Variants in CADPS observed in about 807,000 individuals in gnomAD.
CADPS encodes calcium dependent secretion activator.
Under a neutral mutation model 167.3 loss-of-function variants are expected in CADPS, and 57 were observed. That is an observed-to-expected ratio of 0.34 (90% CI 0.28 to 0.42). The LOEUF is 0.42. Among genes scored for constraint, CADPS ranks in the 20% least tolerant of loss-of-function variants. The probability of loss-of-function intolerance (pLI) is 1.00; values close to 1 mark genes in which losing one functional copy is unlikely to be tolerated. For missense variants in CADPS, 1,414 were observed against 1,738.1 expected, an observed-to-expected ratio of 0.81 and a Z score of 3.32; for synonymous variants, 676 against 635.3, an observed-to-expected ratio of 1.06 and a Z score of -0.96.
At chr3:62,779,662 T>TG in intron 1 of CADPS, 1 of 523,222 alleles carries the variant, frequency 1.9e-6, no homozygotes, top group Admixed American at 2.0e-5. Flanking sequence ...CTTACCTGAG[T>TG]GCAAGGTCCA....
chr3:62,757,333 G>C (rs1002078904), intron 2 of CADPS, among the ~76,000 whole-genome samples: 2 of 152,098 alleles, frequency 1.3e-5, no homozygotes, highest in African/African-American at 2.4e-5. Context: ...TTTTGTGACT[G>C]TTTGGTAAAT....
At chr3:62,744,814 C>G (rs913753967) in intron 3 of CADPS, among the ~76,000 whole-genome samples, 1 of 152,156 alleles carries the variant, frequency 6.6e-6, no homozygotes, top group Non-Finnish European at 1.5e-5. Context: ...ATAGAAAATG[C>G]CCAATTCCCT....
intron 5 of CADPS, among the ~76,000 whole-genome samples, chr3:62,649,827 T>C (rs571282079): frequency 1.4e-4 from 22 of 152,164 alleles, no homozygotes; most frequent in African/African-American, 4.8e-4. Context: ...CCTGGGATTA[T>C]AGACATGAGC....
chr3:62,548,222 T>TA (rs373175950), intron 11 of CADPS, among the ~76,000 whole-genome samples: 11 of 151,866 alleles, frequency 7.2e-5, no homozygotes, highest in African/African-American at 1.9e-4. Flanking sequence ...TGTCATACTT[T>TA]AAAAAAAACA....
intron 3 of CADPS, among the ~76,000 whole-genome samples, chr3:62,693,147 C>T (rs531370477): frequency 3.9e-5 from 6 of 152,166 alleles, no homozygotes; most frequent in African/African-American, 1.4e-4. Context: ...TCCCTTCAGG[C>T]CTCTGCTTCA....
chr3:62,400,948 T>C (rs1259291240), intron 29 of CADPS, among the ~76,000 whole-genome samples: 1 of 152,162 alleles, frequency 6.6e-6, no homozygotes, highest in East Asian at 1.9e-4. Flanking sequence ...ATAGCAACAA[T>C]CACAATGTCA....
At chr3:62,620,401 A>G (rs1314573295) in intron 6 of CADPS, among the ~76,000 whole-genome samples, 1 of 152,184 alleles carries the variant, frequency 6.6e-6, no homozygotes, top group African/African-American at 2.4e-5. Context: ...AGAGTCTCTA[A>G]GTAACTTGAG....
rs779352539 is a variant in CADPS at position 62,420,834 on chromosome 3, T to A, written c.3777+17270A>T. On this transcript the variant is annotated intron_variant, in intron 28 of 29. Transcript: ENST00000383710. The surrounding 1 kb of genome is among the most constrained non-coding windows in gnomAD (Gnocchi z 4.1). ...ACTTCTCACTGCATATGACTCTATT[T>A]TTTTTCTCTTTATGGGAGGGAGAAC... Among the ~76,000 whole-genome samples, 14 of 151,366 alleles carry A rather than the reference T, an allele frequency of 9.2e-5. No individual in the cohort carries two copies. Among genetic ancestry groups the A allele is most frequent in the Non-Finnish European group, 1.6e-4 (11 of 67,940 alleles).
intron 1 of CADPS, among the ~76,000 whole-genome samples, chr3:62,821,326 G>A (rs1176169170): frequency 9.0e-6 from 1 of 110,532 alleles, no homozygotes; most frequent in African/African-American, 4.1e-5. Context: ...TTTCTAGGCT[G>A]CCTTAACAAA....
At chr3:62,666,279 A>G (rs531722626) in intron 3 of CADPS, among the ~76,000 whole-genome samples, 90 of 152,262 alleles carry the variant, frequency 5.9e-4, no homozygotes, top group African/African-American at 2.1e-3. Context: ...GGGAAATGCA[A>G]CTGAAGCTCC....
intron 3 of CADPS, among the ~76,000 whole-genome samples, chr3:62,735,426 AT>A (rs2078800988): frequency 6.6e-6 from 1 of 152,168 alleles, no homozygotes; most frequent in Non-Finnish European, 1.5e-5. Flanking sequence ...GCACCACTAC[AT>A]TTATTCATTA....
intron 1 of CADPS, among the ~76,000 whole-genome samples, chr3:62,823,158 CAG>C (rs771810332): frequency 2.6e-5 from 4 of 152,222 alleles, no homozygotes; most frequent in Non-Finnish European, 4.4e-5. Context: ...AATGAGAAAA[CAG>C]AATGTGTGTG....
chr3:62,416,477 G>C (rs1012638804), intron 28 of CADPS, among the ~76,000 whole-genome samples: 1 of 152,128 alleles, frequency 6.6e-6, no homozygotes, highest in Non-Finnish European at 1.5e-5. Context: ...AAATAGAGTC[G>C]ACTCCTCTCT....
intron 6 of CADPS, among the ~76,000 whole-genome samples, chr3:62,627,668 T>G (rs1391966798): frequency 6.6e-6 from 1 of 152,282 alleles, no homozygotes; most frequent in Middle Eastern, 3.4e-3. Context: ...TCCACATTAC[T>G]TATGCTCACC....
intron 2 of CADPS, among the ~76,000 whole-genome samples, chr3:62,759,676 C>T (rs1212724889): frequency 1.3e-5 from 2 of 151,690 alleles, no homozygotes; most frequent in Non-Finnish European, 2.9e-5. Flanking sequence ...GTTATCTTGA[C>T]ATGCATAGAT....
chr3:62,606,054 C>T (rs544743292), intron 6 of CADPS, among the ~76,000 whole-genome samples: 10 of 152,218 alleles, frequency 6.6e-5, no homozygotes, highest in Non-Finnish European at 1.0e-4. Context: ...ACTCCCAATC[C>T]TCTTATCTTC....
intron 13 of CADPS, among the ~76,000 whole-genome samples, chr3:62,524,533 G>A (rs779943080): frequency 2.6e-5 from 4 of 152,288 alleles, no homozygotes; most frequent in Admixed American, 1.3e-4. Context: ...GCTTCCTGGG[G>A]CTAATAATTA....
At chr3:62,443,563 T>C (rs1399079345) in intron 27 of CADPS, among the ~76,000 whole-genome samples, 1 of 152,134 alleles carries the variant, frequency 6.6e-6, no homozygotes, top group Non-Finnish European at 1.5e-5. Context: ...AATTGAATCA[T>C]GGGGGTGGTT....
chr3:62,509,905 C>T (rs546184437), intron 17 of CADPS, among the ~76,000 whole-genome samples: 1 of 152,232 alleles, frequency 6.6e-6, no homozygotes, highest in African/African-American at 2.4e-5. Flanking sequence ...TTAGACAGAC[C>T]TGAGTTCAAA....
Sources: allele counts gnomAD v4.1 joint callset (sites outside exome capture counted in the v4.1 genomes callset), GRCh38; gene constraint gnomAD v4.1.1; non-coding constraint Gnocchi (gnomAD v3.1); transcripts MANE v1.5; gene names NCBI Gene and HGNC (gene_info 2026-07-23, HGNC 2026-07-21).